The following F8 variants were observed in gnomAD, a reference collection of about 807,000 sequenced individuals.
F8 encodes antihemophilic factor.
A neutral mutation model predicts 140.6 loss-of-function variants in F8; 12 were observed. That is an observed-to-expected ratio of 0.09 (90% CI 0.05 to 0.14). F8 has a LOEUF of 0.14. Among genes scored for constraint, F8 ranks in the 10% least tolerant of loss-of-function variants. The pLI, the probability that F8 is intolerant of heterozygous loss-of-function variation, is 1.00. For synonymous variants in F8, 585 were observed against 614.6 expected (o/e 0.95, Z 0.71); for missense variants, 1,354 against 1,720.7 (o/e 0.79, Z 3.77).
intron 13 of F8, among the ~76,000 whole-genome samples, chrX:154,944,489 A>G (rs2073290892): frequency 9.0e-6 from 1 of 111,722 alleles, no homozygotes; most frequent in African/African-American, 3.3e-5. Flanking sequence ...CACACCAGTT[A>G]GAATGGCGAT....
chrX:154,845,096 A>G (rs1441263108), intron 25 of F8, among the ~76,000 whole-genome samples: 28 of 111,837 alleles, frequency 2.5e-4, no homozygotes, highest in African/African-American at 8.8e-4. Context: ...GATTACGTTT[A>G]TTGATTTTCG....
chrX:154,839,374 T>G (rs1449246027), intron 25 of F8, among the ~76,000 whole-genome samples: 1 of 107,684 alleles, frequency 9.3e-6, no homozygotes, highest in African/African-American at 3.4e-5. Context: ...TTTTTTTTTT[T>G]TTTTTTGAGA....
intron 25 of F8, among the ~76,000 whole-genome samples, chrX:154,840,828 T>A (rs2072513858): frequency 8.9e-6 from 1 of 111,939 alleles, no homozygotes; most frequent in African/African-American, 3.2e-5. Context: ...AAGCTTCTAT[T>A]TGGAAGTGGT....
chrX:154,874,914 G>A (rs1557273879), intron 22 of F8, among the ~76,000 whole-genome samples: 17 of 112,065 alleles, frequency 1.5e-4, no homozygotes, highest in Non-Finnish European at 1.9e-5. Context: ...CACTGTAACA[G>A]TATTCACAAT....
At chrX:154,996,736 C>T (rs192792199) in intron 3 of F8, among the ~76,000 whole-genome samples, 1 of 112,025 alleles carries the variant, frequency 8.9e-6, no homozygotes, top group African/African-American at 3.2e-5. Flanking sequence ...CCACTACACC[C>T]TCATTCTTGT....
At chrX:154,972,504 G>A (rs1372594882) in intron 6 of F8, among the ~76,000 whole-genome samples, 7 of 110,554 alleles carry the variant, frequency 6.3e-5, no homozygotes, top group African/African-American at 2.3e-4. Flanking sequence ...TTCCTTTGCT[G>A]TGCAGAAGCT....
At chrX:154,974,934 T>C (rs902811398) in intron 6 of F8, among the ~76,000 whole-genome samples, 1 of 112,049 alleles carries the variant, frequency 8.9e-6, no homozygotes. Context: ...AGTTGTAATG[T>C]CTCCTTTTTC....
At chrX:154,951,771 G>A (rs2073339028) in intron 12 of F8, among the ~76,000 whole-genome samples, 1 of 109,824 alleles carries the variant, frequency 9.1e-6, no homozygotes, top group Admixed American at 9.8e-5. Flanking sequence ...GTGTCTCTTG[G>A]TCTCTGCCTT....
Position 154,866,165 on chromosome X carries a change from T to A in F8, c.6430-2938A>T, listed in dbSNP as rs190781723. ...TGACATGAGACATAGAAGGTCATTA[T>A]ATAATAAAAGGGTCACTTGAACAGG... is the stretch of plus-strand genomic sequence containing the variant. On this transcript the variant is annotated intron_variant, in intron 22 of 25. Transcript: ENST00000360256. 3.6e-3 allele frequency among the ~76,000 whole-genome samples: 401 copies of A among 112,131 alleles called. 2 individuals carry two copies. Among genetic ancestry groups the A allele is most frequent in the Non-Finnish European group, 5.3e-3 (280 of 53,163 alleles).
At position 154,836,943 on chromosome X, in the gene F8, T is replaced by A. The variant is rs1274596563; in HGVS notation, c.*654A>T. 8.9e-6 allele frequency: 1 copy of A among 112,931 alleles called. No individual in the cohort carries two copies. The highest frequency in any genetic ancestry group is 3.2e-5 in the African/African-American group (1 of 30,850). The allele number at this position is 112,931 out of a possible 1,213,427, so 9.3% of individuals were successfully genotyped here. A position where few individuals can be genotyped will look rare whatever the true frequency, so the allele number is the denominator to read the frequency against. ...CTTAGGGATTCTTGAACCCCATCTA[T>A]AATTCTCAGTTTAAGAATGCTAGTT... is the stretch of plus-strand genomic sequence containing the variant. On this transcript the variant is annotated 3_prime_UTR_variant, in exon 26 of 26. Transcript: ENST00000360256.
At chrX:154,962,997 T>G (rs976281315) in intron 9 of F8, among the ~76,000 whole-genome samples, 2 of 111,189 alleles carry the variant, frequency 1.8e-5, no homozygotes, top group Non-Finnish European at 3.8e-5. Context: ...CTGAGGTGTG[T>G]GATATGAGGA....
chrX:154,909,203 C>T, intron 14 of F8: 1 of 182,660 alleles, frequency 5.5e-6, no homozygotes, highest in Non-Finnish European at 1.0e-5. Flanking sequence ...GCAAAGCTGA[C>T]CAATCATGCT....
intron 22 of F8, among the ~76,000 whole-genome samples, chrX:154,888,409 C>CTTTTTTTTTTTTT (rs1569559435): frequency 3.5e-4 from 2 of 5,663 alleles, no homozygotes; most frequent in African/African-American, 2.2e-3. Context: ...TTTTTTTTCC[C>CTTTTTTTTTTTTT]CCCGAGATGG....
intron 14 of F8, among the ~76,000 whole-genome samples, chrX:154,918,264 C>A (rs782127037): frequency 2.7e-5 from 3 of 111,341 alleles, no homozygotes; most frequent in South Asian, 3.8e-4. Flanking sequence ...GATTTTGTGT[C>A]CAGAGGAACC....
In F8 at chrX:155,005,610, A is replaced by C. The variant is rs781845697; in HGVS notation, c.144-6010T>G. Among the ~76,000 whole-genome samples the C allele has an allele frequency of 5.3e-5, 6 of 112,155 alleles. No homozygotes were observed. The South Asian group carries it at 2.2e-3, about 42-fold the overall frequency. On this transcript the variant is annotated intron_variant, in intron 1 of 25. Coordinates refer to ENST00000360256, the MANE Select transcript of F8 (RefSeq NM_000132.4). Reference sequence around the variant, plus strand: ...ATCAGAATCCTGAAGGAACCATTCCAGAACTTATGAAGCAAATGAATCTGA... The same window carrying C: ...ATCAGAATCCTGAAGGAACCATTCCCGAACTTATGAAGCAAATGAATCTGA...
chrX:154,913,355 T>C (rs997590898), intron 14 of F8, among the ~76,000 whole-genome samples: 4 of 111,384 alleles, frequency 3.6e-5, no homozygotes, highest in Non-Finnish European at 5.7e-5. Context: ...CCAAACCATA[T>C]GTTTCCACCC....
intron 14 of F8, among the ~76,000 whole-genome samples, chrX:154,919,400 T>C (rs1382378490): frequency 3.6e-5 from 4 of 112,035 alleles, no homozygotes; most frequent in Admixed American, 9.5e-5. Context: ...TGTATTTCTT[T>C]CACCTTCATT....
chrX:154,875,576 G>A (rs906267589), intron 22 of F8, among the ~76,000 whole-genome samples: 21 of 112,018 alleles, frequency 1.9e-4, no homozygotes, highest in African/African-American at 6.8e-4. Flanking sequence ...CACCATGTCA[G>A]TTCTACTGAA....
chrX:154,837,577 A>G lies in F8; in HGVS notation c.*20T>C, dbSNP rs1557271022. The G allele has an allele frequency of 1.7e-6, 2 of 1,186,312 alleles. No homozygotes were observed. Among genetic ancestry groups the G allele is most frequent in the Admixed American group, 4.7e-5 (2 of 42,206 alleles). On this transcript the variant is annotated 3_prime_UTR_variant, in exon 26 of 26. Transcript: ENST00000360256. ...AGGAGGGAGAGGTGACGGCAGTGGC[A>G]GGTGCTGCAGTGGCCACCCTCAGTA... is the stretch of plus-strand genomic sequence containing the variant.
Sources: gnomAD v4.1 joint callset for allele counts (sites outside exome capture counted in the v4.1 genomes callset) on GRCh38, gnomAD v4.1.1 for gene constraint, MANE v1.5 for transcripts, NCBI Gene and HGNC (gene_info 2026-07-23, HGNC 2026-07-21) for gene names.